RUBCN: variants seen among roughly 807,000 people sequenced by gnomAD.
The protein encoded by RUBCN is rubicon autophagy regulator, also known as run domain Beclin-1-interacting and cysteine-rich domain-containing protein.
Under a neutral mutation model 113.2 loss-of-function variants are expected in RUBCN, and 74 were observed. That is an observed-to-expected ratio of 0.65 (90% CI 0.54 to 0.79). The LOEUF (loss-of-function observed/expected upper bound fraction) is 0.79. RUBCN is among the 30% of genes least tolerant of loss of function. The pLI is 0.00. For synonymous variants in RUBCN, 480 were observed against 490.0 expected (o/e 0.98, Z 0.27); for missense variants, 1,109 against 1,251.7 (o/e 0.89, Z 1.72).
At chr3:197,725,483 C>T (rs570831937) in intron 1 of RUBCN, among the ~76,000 whole-genome samples, 1 of 149,472 alleles carries the variant, frequency 6.7e-6, no homozygotes, top group Non-Finnish European at 1.5e-5. Flanking sequence ...ATGTAACCAT[C>T]GGCCAGTCCC....
rs145563074 is a variant in RUBCN, at chr3:197,683,109, C to A, written c.1980+198G>T. ...CAGTCACGTGAATAAGGACCGCGAACGCGCCGTCATCTCTGCTCTGACAAG... is the reference window on the plus strand; with the variant it reads ...CAGTCACGTGAATAAGGACCGCGAAAGCGCCGTCATCTCTGCTCTGACAAG... On this transcript the variant is annotated intron_variant, in intron 13 of 19. Coordinates refer to ENST00000296343, the MANE Select transcript of RUBCN (RefSeq NM_014687.4). This position sits in a 1 kb window ranked among gnomAD's most constrained non-coding sequence, Gnocchi z 4.6. Among the ~76,000 whole-genome samples the A allele has an allele frequency of 2.0e-5, 3 of 152,362 alleles. No homozygotes were observed. The highest frequency in any genetic ancestry group is 2.9e-5 in the Non-Finnish European group (2 of 68,036).
chr3:197,675,423 T>C lies in RUBCN; in HGVS notation c.2739A>G (p.Glu913=). 1 of 1,613,116 alleles carries C rather than the reference T, an allele frequency of 6.2e-7. No homozygotes were observed. The highest frequency in any genetic ancestry group is 1.3e-5 in the African/African-American group (1 of 75,024). ...PFELHKCRTC[E]ECKACYHKAC... Reference sequence around the variant, plus strand: ...CCCGATGCCTGCACCTGCCCTCACCTTCACAGGTCCGGCACTTATGGAGCT... The same window carrying C: ...CCCGATGCCTGCACCTGCCCTCACCCTCACAGGTCCGGCACTTATGGAGCT... Residue 913 remains glutamate (E), a splice_region_variant and synonymous_variant, in exon 19 of 20, where the codon GAA becomes GAG. Transcript: ENST00000296343. This position sits in a 1 kb window ranked among gnomAD's most constrained non-coding sequence, Gnocchi z 4.4.
intron 11 of RUBCN, among the ~76,000 whole-genome samples, chr3:197,684,682 A>G (rs529062674): frequency 6.6e-6 from 1 of 151,582 alleles, no homozygotes; most frequent in South Asian, 2.1e-4. Flanking sequence ...ACACACACAT[A>G]TATACACATA....
chr3:197,741,069 T>C (rs1728508048), upstream of RUBCN, among the ~76,000 whole-genome samples: 1 of 152,226 alleles, frequency 6.6e-6, no homozygotes, highest in Non-Finnish European at 1.5e-5. Flanking sequence ...TTGCACTATT[T>C]TTGCAACTTT....
chr3:197,696,834 G>A, intron 8 of RUBCN, 120 bp downstream of exon 8: 1 of 687,416 alleles, frequency 1.5e-6, no homozygotes, highest in Admixed American at 2.1e-5. Context: ...GAGTGACTGA[G>A]ACTGTAACAG....
rs563187618 is a variant in RUBCN at position 197,683,269 on chromosome 3, C to A, written c.1980+38G>T. On this transcript the variant is annotated intron_variant, in intron 13 of 19. Coordinates refer to ENST00000296343, the MANE Select transcript of RUBCN (RefSeq NM_014687.4). This position sits in a 1 kb window ranked among gnomAD's most constrained non-coding sequence, Gnocchi z 4.6. ...AGGAAAACAAGGTCACAGAGGCTCA[C>A]GATGGCCCCTGGGTAGGAAGAAGAG... 3 of 1,613,808 alleles carry A rather than the reference C, an allele frequency of 1.9e-6. No homozygotes were observed. The African/African-American group carries it at 4.0e-5, about 22-fold the overall frequency.
In RUBCN at chr3:197,678,959, T is replaced by C. The variant is rs574955427; in HGVS notation, c.2431-1418A>G. Among the ~76,000 whole-genome samples the C allele has an allele frequency of 4.1e-3, 587 of 144,668 alleles. 5 individuals carry two copies. The highest frequency in any genetic ancestry group is 7.7e-3 in the African/African-American group (296 of 38,656). 94.9% of individuals were successfully genotyped at this position (144,668 alleles called of 152,430 possible). Reference sequence around the variant, plus strand: ...TGACAACTGGCTCCAGACTGTCGTATGCTCTAACTGACAACTGGCTTCAGA... The same window carrying C: ...TGACAACTGGCTCCAGACTGTCGTACGCTCTAACTGACAACTGGCTTCAGA... On this transcript the variant is annotated intron_variant, in intron 16 of 19. Coordinates refer to ENST00000296343, the MANE Select transcript of RUBCN (RefSeq NM_014687.4).
rs549249918 is a variant in RUBCN at position 197,674,927 on chromosome 3, A to T, written c.*91T>A. ...GATAATTAAAAAAAAAAAAAAAAAA[A>T]GAAGCCCCAGGTGGGGCGAGTCCTT... is the stretch of plus-strand genomic sequence containing the variant. On this transcript the variant is annotated 3_prime_UTR_variant, in exon 20 of 20. Coordinates refer to ENST00000296343, the MANE Select transcript of RUBCN (RefSeq NM_014687.4). 363 of 1,006,120 alleles carry T rather than the reference A, an allele frequency of 3.6e-4. 3 individuals carry two copies. In the South Asian group the frequency reaches 6.5e-3, roughly 18 times the overall value. The allele number at this position is 1,006,120 out of a possible 1,614,324, so 62.3% of individuals were successfully genotyped here.
chr3:197,746,032 A>G (rs1393329056), intron 1 of RUBCN, among the ~76,000 whole-genome samples: 1 of 152,226 alleles, frequency 6.6e-6, no homozygotes, highest in African/African-American at 2.4e-5. Context: ...CTCTGTCTCA[A>G]AAAAGGAAAG....
chr3:197,741,748 A>G (rs1020784962), upstream of RUBCN, among the ~76,000 whole-genome samples: 4 of 151,452 alleles, frequency 2.6e-5, no homozygotes, highest in African/African-American at 7.3e-5. Context: ...CCTTGAACCC[A>G]GGAGGTGGAC....
In RUBCN at chr3:197,677,534, C is replaced by T. The variant is rs1441699837; in HGVS notation, c.2438G>A (p.Arg813Gln). The T allele has an allele frequency of 6.2e-7, 1 of 1,614,004 alleles. No homozygotes were observed. Among genetic ancestry groups the T allele is most frequent in the Non-Finnish European group, 8.5e-7 (1 of 1,179,984 alleles). Reference protein sequence around the residue: ...VKLLNQVRLLRVQLCHMKNMF... With the variant: ...VKLLNQVRLLQVQLCHMKNMF... ...GTTCTTCATGTGACACAGCTGGACC[C>T]GCAGCAGCTGAAAAGAAAGAGAGGG... The change falls in exon 17 of 20, where the codon CGG (arginine) becomes CAG (glutamine). Residue 813 changes from arginine to glutamine, a missense_variant. Coordinates refer to ENST00000296343, the MANE Select transcript of RUBCN (RefSeq NM_014687.4).
Position 197,731,633 on chromosome 3 carries a change from C to G in RUBCN, c.65+5022G>C, listed in dbSNP as rs111753397. On this transcript the variant is annotated intron_variant, in intron 1 of 19. Transcript: ENST00000296343. ...CTGGCCGGGCGGGGCCTGACCCCCC[C>G]ACCTCCCTCCCGGACGGGGCGGCTG... Among the ~76,000 whole-genome samples the G allele has an allele frequency of 2.0e-5, 3 of 151,006 alleles. No individual in the cohort carries two copies. The East Asian group carries it at 5.9e-4, about 30-fold the overall frequency.
In RUBCN at chr3:197,677,444, A is replaced by G. The variant is rs1720567095; in HGVS notation, c.2492+36T>C. On this transcript the variant is annotated intron_variant, in intron 17 of 19. Coordinates refer to ENST00000296343, the MANE Select transcript of RUBCN (RefSeq NM_014687.4). ...GGATGTGTCCCTTTCGGAGACAGCA[A>G]CGTGGCCAGAGGGCTCTAGCTCCAA... The G allele has an allele frequency of 1.9e-6, 3 of 1,570,350 alleles. No homozygotes were observed. In the African/African-American group the frequency reaches 4.1e-5, roughly 21 times the overall value.
chr3:197,731,627 C>T (rs1400009652), intron 1 of RUBCN, among the ~76,000 whole-genome samples: 15 of 147,102 alleles, frequency 1.0e-4, no homozygotes, highest in Non-Finnish European at 2.1e-4. Flanking sequence ...CGGGGCCTGA[C>T]CCCCCCACCT....
At chr3:197,736,539 G>A in intron 1 of RUBCN, 116 bp downstream of exon 1, 1 of 655,244 alleles carries the variant, frequency 1.5e-6, no homozygotes, top group African/African-American at 2.0e-5. Flanking sequence ...CTCCGCAGCC[G>A]TCGTCCTCAA....
intron 1 of RUBCN, among the ~76,000 whole-genome samples, chr3:197,729,280 T>A (rs1727132175): frequency 6.6e-6 from 1 of 151,890 alleles, no homozygotes. Context: ...TGAGACGGAG[T>A]CTCGCTCTGT....
chr3:197,689,201 A>G (rs1304965504), intron 11 of RUBCN, among the ~76,000 whole-genome samples: 1 of 151,734 alleles, frequency 6.6e-6, no homozygotes, highest in Non-Finnish European at 1.5e-5. Context: ...ATTCTAAAAT[A>G]TGTTTTTGTA....
At chr3:197,711,922 G>C (rs1484729792) in intron 2 of RUBCN, among the ~76,000 whole-genome samples, 1 of 151,954 alleles carries the variant, frequency 6.6e-6, no homozygotes, top group African/African-American at 2.4e-5. Context: ...CTCAATGTTA[G>C]AGTGGTGACT....
intron 7 of RUBCN, among the ~76,000 whole-genome samples, chr3:197,700,211 C>G (rs77711566): frequency 6.6e-6 from 1 of 152,206 alleles, no homozygotes; most frequent in Non-Finnish European, 1.5e-5. Flanking sequence ...CTCTCTGCCT[C>G]TCTCACATTG....
Sources: gnomAD v4.1 joint callset for allele counts (sites outside exome capture counted in the v4.1 genomes callset) on GRCh38, gnomAD v4.1.1 for gene constraint, Gnocchi (gnomAD v3.1) non-coding constraint, MANE v1.5 for transcripts, NCBI Gene and HGNC (gene_info 2026-07-23, HGNC 2026-07-21) for gene names.